PVALEF: variants seen among roughly 807,000 people sequenced by gnomAD.
The protein encoded by PVALEF is parvalbumin-like EF-hand-containing protein.
In PVALEF, 2 loss-of-function variants were observed where a neutral mutation model predicts 1.2. That is an observed-to-expected ratio of 1.68 (90% confidence interval 0.69 to 5.28). PVALEF has a LOEUF of 5.28. Ranked by LOEUF, PVALEF falls within the 30% of genes most tolerant of loss-of-function variation. PVALEF has a pLI of 0.06. For missense variants in PVALEF, 35 were observed against 17.7 expected (o/e 1.97, Z -1.75); for synonymous variants, 16 against 6.5 (o/e 2.47, Z -2.24).
At chr17:81,168,641 ACT>A (rs1195614879) in intron 2 of PVALEF, among the ~76,000 whole-genome samples, 3 of 151,980 alleles carry the variant, frequency 2.0e-5, no homozygotes, top group Admixed American at 1.3e-4. Context: ...CGCCCCTGGG[ACT>A]CTCTAGAGCC....
chr17:81,180,634 G>C (rs1181869658), intron 3 of PVALEF, among the ~76,000 whole-genome samples: 1 of 152,220 alleles, frequency 6.6e-6, no homozygotes, highest in African/African-American at 2.4e-5. Flanking sequence ...TGGAGGCACC[G>C]AGGGTTGGGG....
chr17:81,170,141 G>A (rs1223894085), intron 2 of PVALEF, among the ~76,000 whole-genome samples: 4 of 149,950 alleles, frequency 2.7e-5, no homozygotes, highest in African/African-American at 9.9e-5. Context: ...TGTTGGTGTG[G>A]ATGTGTGTGC....
rs1035312894 is a variant in PVALEF, at chr17:81,165,606, C to G, written c.-649C>G. 5.0e-6 allele frequency: 7 copies of G among 1,406,170 alleles called. No homozygotes were observed. Among genetic ancestry groups the G allele is most frequent in the South Asian group, 1.2e-5 (1 of 81,616 alleles). 87.1% of individuals were successfully genotyped at this position (1,406,170 alleles called of 1,614,324 possible). ...CCCCAGCTGGCTGACACCCCCCACA[C>G]CCCCAAGGGCCCTTAGTCTGAGACC... On this transcript the variant is annotated 5_prime_UTR_variant, in exon 1 of 7. Coordinates refer to ENST00000637878, the MANE Select transcript of PVALEF (RefSeq NM_001354639.2).
At chr17:81,165,924 CG>C (rs2146436659) in intron 1 of PVALEF, 177 bp downstream of exon 1, 1 of 1,573,992 alleles carries the variant, frequency 6.4e-7, no homozygotes, top group South Asian at 1.2e-5. Context: ...CAGGCCGGGC[CG>C]CCAGGGACTC....
rs2061479936 is a variant in PVALEF at position 81,165,698 on chromosome 17, GCCA to G, written c.-555_-553del. On this transcript the variant is annotated 5_prime_UTR_variant, in exon 1 of 7. Transcript: ENST00000637878. ...CCCAGTTACCTGTGCCCTGGAGGCA[GCCA>G]CGGAGTCACGACCACGCGGGGGACG... is the stretch of plus-strand genomic sequence containing the variant. The G allele has an allele frequency of 6.6e-7, 1 of 1,516,804 alleles. No individual in the cohort carries two copies. Among genetic ancestry groups the G allele is most frequent in the African/African-American group, 1.4e-5 (1 of 72,404 alleles). The allele number at this position is 1,516,804 out of a possible 1,614,324, so 94.0% of individuals were successfully genotyped here.
At position 81,178,906 on chromosome 17, in the gene PVALEF, A is replaced by G. The variant is rs916262879; in HGVS notation, c.-339-12A>G. The G allele has an allele frequency of 1.4e-5, 3 of 218,234 alleles. No homozygotes were observed. Among genetic ancestry groups the G allele is most frequent in the African/African-American group, 7.2e-5 (3 of 41,870 alleles). The allele number at this position is 218,234 out of a possible 1,614,324, so 13.5% of individuals were successfully genotyped here. On this transcript the variant is annotated splice_polypyrimidine_tract_variant and intron_variant, in intron 2 of 6. Coordinates refer to ENST00000637878, the MANE Select transcript of PVALEF (RefSeq NM_001354639.2). The stretch of plus-strand genomic sequence containing the variant: ...CACTGGTGCCCTCTCTTCCTCCCTA[A>G]CCCCGCCCCAGGTTTGGGGAGGCCA...
intron 2 of PVALEF, among the ~76,000 whole-genome samples, chr17:81,178,578 A>C (rs1598250746): frequency 2.0e-5 from 3 of 150,032 alleles, no homozygotes; most frequent in East Asian, 2.0e-4. Context: ...TGCCCCTTCC[A>C]CCCGGCCCAA....
At chr17:81,172,394 T>G (rs1181171347) in intron 2 of PVALEF, among the ~76,000 whole-genome samples, 2 of 152,164 alleles carry the variant, frequency 1.3e-5, no homozygotes, top group African/African-American at 4.8e-5. Context: ...AGGGAGGGGC[T>G]TCTTGGACAA....
At chr17:81,170,796 AC>A (rs1045110946) in intron 2 of PVALEF, among the ~76,000 whole-genome samples, 1 of 151,746 alleles carries the variant, frequency 6.6e-6, no homozygotes, top group Non-Finnish European at 1.5e-5. Flanking sequence ...TGCAGTGGGC[AC>A]CCCCCCATTC....
chr17:81,169,793 T>C (rs2061512187), intron 2 of PVALEF, among the ~76,000 whole-genome samples: 1 of 152,060 alleles, frequency 6.6e-6, no homozygotes, highest in African/African-American at 2.4e-5. Context: ...TGTGTAGATG[T>C]GTGTGTCTTG....
Position 81,176,641 on chromosome 17 carries a change from G to A in PVALEF, c.-339-2277G>A, listed in dbSNP as rs551797011. Among the ~76,000 whole-genome samples, 42 of 150,932 alleles carry A rather than the reference G, an allele frequency of 2.8e-4. No homozygotes were observed. The South Asian group carries it at 8.6e-3, about 31-fold the overall frequency. The stretch of plus-strand genomic sequence containing the variant: ...GTGTTGGTGAGGACGTGGGGCTATC[G>A]GCCCCTGTGCGCTGTTGGTGGGAAT... On this transcript the variant is annotated intron_variant, in intron 2 of 6. Coordinates refer to ENST00000637878, the MANE Select transcript of PVALEF (RefSeq NM_001354639.2).
intron 1 of PVALEF, among the ~76,000 whole-genome samples, chr17:81,166,441 T>G (rs564089549): frequency 5.4e-4 from 27 of 50,374 alleles, no homozygotes; most frequent in Admixed American, 1.3e-3. Context: ...TGGCACGGAG[T>G]GGGGGGATGG....
rs1050959052 is a variant in PVALEF at position 81,170,819 on chromosome 17, C to T, written c.-340+3975C>T. Among the ~76,000 whole-genome samples the T allele has an allele frequency of 4.6e-5, 7 of 152,258 alleles. No homozygotes were observed. The East Asian group carries it at 5.8e-4, about 13-fold the overall frequency. On this transcript the variant is annotated intron_variant, in intron 2 of 6. Coordinates refer to ENST00000637878, the MANE Select transcript of PVALEF (RefSeq NM_001354639.2). ...GCACCCCCCCATTCTGCCACATGCC[C>T]CTCCACCATCTTGGCCCTCTTAGAG...
In PVALEF at chr17:81,171,771, C is replaced by T. The variant is rs551537409; in HGVS notation, c.-340+4927C>T. The stretch of plus-strand genomic sequence containing the variant: ...CCTCCCAAAGTGCTGGGATTACAGG[C>T]GTGAGCCACCGTGCCCGGCCACATA... On this transcript the variant is annotated intron_variant, in intron 2 of 6. Coordinates refer to ENST00000637878, the MANE Select transcript of PVALEF (RefSeq NM_001354639.2). Among the ~76,000 whole-genome samples, 21 of 152,274 alleles carry T rather than the reference C, an allele frequency of 1.4e-4. 1 individual carries two copies. Among genetic ancestry groups the T allele is most frequent in the Admixed American group, 4.6e-4 (7 of 15,310 alleles).
chr17:81,180,895 G>C (rs944352966), intron 3 of PVALEF, among the ~76,000 whole-genome samples: 7 of 152,168 alleles, frequency 4.6e-5, no homozygotes, highest in African/African-American at 1.7e-4. Context: ...TGCGCTCTGA[G>C]ATAGCTGCTG....
intron 2 of PVALEF, among the ~76,000 whole-genome samples, chr17:81,170,635 C>G (rs2061517644): frequency 1.3e-5 from 2 of 152,200 alleles, no homozygotes; most frequent in South Asian, 2.1e-4. Flanking sequence ...TTCCCAAATT[C>G]TTCCTGCAGA....
rs1157782142 is a variant in PVALEF at position 81,171,501 on chromosome 17, C to CT, written c.-340+4665dup. 3.3e-5 allele frequency among the ~76,000 whole-genome samples: 5 copies of CT among 151,970 alleles called. 1 individual carries two copies. The highest frequency in any genetic ancestry group is 1.3e-4 in the Admixed American group (2 of 15,254). On this transcript the variant is annotated intron_variant, in intron 2 of 6. Transcript: ENST00000637878. Reference sequence around the variant, plus strand: ...CATGATTTCCCACTCCACATATTTCCTTTTTTTTGAGATGGAGTCTCACTC... The same window carrying CT: ...CATGATTTCCCACTCCACATATTTCCTTTTTTTTTGAGATGGAGTCTCACTC...
chr17:81,173,655 T>C (rs1598248517), intron 2 of PVALEF, among the ~76,000 whole-genome samples: 1 of 152,310 alleles, frequency 6.6e-6, no homozygotes, highest in East Asian at 1.9e-4. Flanking sequence ...AGTAAGAAGA[T>C]TGAATCAGTG....
chr17:81,170,295 ATG>A (rs1163642235), intron 2 of PVALEF, among the ~76,000 whole-genome samples: 1 of 138,502 alleles, frequency 7.2e-6, no homozygotes, highest in Non-Finnish European at 1.6e-5. Flanking sequence ...GTGTTGGTAT[ATG>A]TGTGTCTGTG....
Sources: allele counts gnomAD v4.1 joint callset (sites outside exome capture counted in the v4.1 genomes callset), GRCh38; gene constraint gnomAD v4.1.1; transcripts MANE v1.5; gene names NCBI Gene and HGNC (gene_info 2026-07-23, HGNC 2026-07-21).